The following AGAP1 variants were observed in gnomAD, a reference collection of about 807,000 sequenced individuals.
AGAP1 encodes arf-GAP with GTPase, ANK repeat and PH domain-containing protein 1.
Under a neutral mutation model 105.3 loss-of-function variants are expected in AGAP1, and 29 were observed. The ratio of observed to expected loss-of-function variants is 0.28; its 90% CI spans 0.21 to 0.38. The LOEUF is 0.38. Ranked by LOEUF, AGAP1 falls within the 10% of genes least tolerant of loss-of-function variation. AGAP1 has a pLI of 1.00. For synonymous variants in AGAP1, 509 were observed against 485.9 expected (o/e 1.05, Z -0.63); for missense variants, 998 against 1,165.1 (o/e 0.86, Z 2.09).
chr2:235,924,358 C>T (rs972294640), intron 11 of AGAP1, among the ~76,000 whole-genome samples: 6 of 152,104 alleles, frequency 3.9e-5, no homozygotes, highest in Non-Finnish European at 5.9e-5. Context: ...CTCTGCCTTG[C>T]GTTTGGGCCA....
At chr2:236,067,962 G>A (rs2058390518) in intron 16 of AGAP1, among the ~76,000 whole-genome samples, 1 of 152,178 alleles carries the variant, frequency 6.6e-6, no homozygotes, top group Admixed American at 6.5e-5. Context: ...CTGTAAGACA[G>A]AGTGGCTCTT....
At position 235,608,918 on chromosome 2, in the gene AGAP1, C is replaced by T. The variant is rs1946037961; in HGVS notation, c.164-100261C>T. Among the ~76,000 whole-genome samples the T allele has an allele frequency of 6.6e-6, 1 of 151,744 alleles. No individual in the cohort carries two copies. The highest frequency in any genetic ancestry group is 2.1e-4 in the South Asian group (1 of 4,788). ...CCTTTCAGCTTGTTCTTGACTTCCC[C>T]CCCATCCCTAATACCCCCAACTATG... On this transcript the variant is annotated intron_variant, in intron 1 of 17. Transcript: ENST00000304032. The surrounding 1 kb of genome is among the most constrained non-coding windows in gnomAD (Gnocchi z 5.4).
In AGAP1 at chr2:235,660,823, T is replaced by G. The variant is rs190933394; in HGVS notation, c.164-48356T>G. ...TCTTATTGTCGCAGCTACCGTATTG[T>G]TCTTGTCCCGTTTTTGCAGAAATGA... On this transcript the variant is annotated intron_variant, in intron 1 of 17. Coordinates refer to ENST00000304032, the MANE Select transcript of AGAP1 (RefSeq NM_001037131.3). This position sits in a 1 kb window ranked among gnomAD's most constrained non-coding sequence, Gnocchi z 5.3. Among the ~76,000 whole-genome samples, 125 of 152,322 alleles carry G rather than the reference T, an allele frequency of 8.2e-4. No homozygotes were observed. The highest frequency in any genetic ancestry group is 3.9e-3 in the South Asian group (19 of 4,820).
chr2:235,742,360 C>T (rs1952641189), intron 4 of AGAP1, among the ~76,000 whole-genome samples: 1 of 152,074 alleles, frequency 6.6e-6, no homozygotes, highest in Admixed American at 6.5e-5. Context: ...AAGGATGCTG[C>T]CAATTAAACT....
chr2:235,549,047 T>G lies in AGAP1; in HGVS notation c.163+54198T>G, dbSNP rs1231137620. 6.6e-6 allele frequency among the ~76,000 whole-genome samples: 1 copy of G among 152,188 alleles called. No homozygotes were observed. The highest frequency in any genetic ancestry group is 2.4e-5 in the African/African-American group (1 of 41,458). ...GGGTGGAAAGCACTGCAGGGCAGCT[T>G]GTGCAGAAACTGGGACCTGCTCTCC... On this transcript the variant is annotated intron_variant, in intron 1 of 17. Transcript: ENST00000304032. This position sits in a 1 kb window ranked among gnomAD's most constrained non-coding sequence, Gnocchi z 4.2.
Position 235,867,669 on chromosome 2 carries a change from C to G in AGAP1, c.1051-15676C>G, listed in dbSNP as rs1052375855. Among the ~76,000 whole-genome samples the G allele has an allele frequency of 2.0e-5, 3 of 151,916 alleles. No homozygotes were observed. The highest frequency in any genetic ancestry group is 7.3e-5 in the African/African-American group (3 of 41,342). ...CCTATTTCTAGCTAAGTGTTATCTG[C>G]AGGGTATAGCTTAGCATAATGAGAG... On this transcript the variant is annotated intron_variant, in intron 9 of 17. Transcript: ENST00000304032. This position sits in a 1 kb window ranked among gnomAD's most constrained non-coding sequence, Gnocchi z 5.4.
Position 236,042,745 on chromosome 2 carries a change from T to A in AGAP1, c.1891+1904T>A, listed in dbSNP as rs1576150848. Among the ~76,000 whole-genome samples the A allele has an allele frequency of 6.6e-6, 1 of 151,504 alleles. No homozygotes were observed. The highest frequency in any genetic ancestry group is 2.4e-5 in the African/African-American group (1 of 41,178). On this transcript the variant is annotated intron_variant, in intron 15 of 17. Coordinates refer to ENST00000304032, the MANE Select transcript of AGAP1 (RefSeq NM_001037131.3). The surrounding 1 kb of genome is among the most constrained non-coding windows in gnomAD (Gnocchi z 5.6). ...GAAAGGGAGGCCAGTGCAGGGGAGG[T>A]GTGGGCCAGTTTGTTCTGAGCAAGA... is the stretch of plus-strand genomic sequence containing the variant.
rs1198626571 is a variant in AGAP1 at position 236,068,298 on chromosome 2, G to A, written c.2114+19017G>A. Reference sequence around the variant, plus strand: ...AAAAACAAAAAATCAAATAGCTAGCGCAGATCACTGTGAAACATCTGATGG... The same window carrying A: ...AAAAACAAAAAATCAAATAGCTAGCACAGATCACTGTGAAACATCTGATGG... On this transcript the variant is annotated intron_variant, in intron 16 of 17. Coordinates refer to ENST00000304032, the MANE Select transcript of AGAP1 (RefSeq NM_001037131.3). 5.3e-5 allele frequency among the ~76,000 whole-genome samples: 8 copies of A among 151,858 alleles called. No homozygotes were observed. The East Asian group carries it at 7.8e-4, about 15-fold the overall frequency.
chr2:235,750,383 A>G lies in AGAP1; in HGVS notation c.568A>G (p.Ile190Val), dbSNP rs1953330142. ...DAISSANPRV[I>V]DDARARKLSN... ...CATAAGTTCTGCTAACCCGAGGGTC[A>G]TCGATGACGCCAGGGCGAGGAAGCT... is the stretch of plus-strand genomic sequence containing the variant. The change falls in exon 6 of 18, where the codon ATC becomes GTC. Residue 190 changes from isoleucine (I) to valine (V), a missense_variant. Ile to Val is a conservative substitution (Grantham distance 29). Around this residue, in one of 3 missense-constraint regions of AGAP1, gnomAD observed 735 missense variants for 833.4 expected, o/e 0.88. Transcript: ENST00000304032. The surrounding 1 kb of genome is among the most constrained non-coding windows in gnomAD (Gnocchi z 5.3). 3 of 1,614,214 alleles carry G rather than the reference A, an allele frequency of 1.9e-6. No individual in the cohort carries two copies. Among genetic ancestry groups the G allele is most frequent in the Non-Finnish European group, 2.5e-6 (3 of 1,180,042 alleles).
intron 1 of AGAP1, among the ~76,000 whole-genome samples, chr2:235,654,307 A>C (rs1440692375): frequency 1.3e-5 from 2 of 152,182 alleles, no homozygotes; most frequent in African/African-American, 4.8e-5. Context: ...TTTGACAGGA[A>C]CACCAATTGA....
intron 13 of AGAP1, among the ~76,000 whole-genome samples, chr2:235,972,344 A>C (rs2054682611): frequency 6.6e-6 from 1 of 152,296 alleles, no homozygotes; most frequent in Admixed American, 6.5e-5. Flanking sequence ...GAAGTAAGCA[A>C]ATTTATCAGG....
At chr2:235,896,797 A>G (rs1409284531) in intron 10 of AGAP1, among the ~76,000 whole-genome samples, 1 of 152,252 alleles carries the variant, frequency 6.6e-6, no homozygotes, top group Admixed American at 6.5e-5. Flanking sequence ...TTCAGGGCAT[A>G]GTGACAACTT....
rs983911108 is a variant in AGAP1, at chr2:235,620,275, G to T, written c.164-88904G>T. On this transcript the variant is annotated intron_variant, in intron 1 of 17. Coordinates refer to ENST00000304032, the MANE Select transcript of AGAP1 (RefSeq NM_001037131.3). This position sits in a 1 kb window ranked among gnomAD's most constrained non-coding sequence, Gnocchi z 4.5. ...CACCCTGGTCCCGGGCAGCAGCGTT[G>T]CTTGGCGGATTACTGCTCACCTCTT... 6.6e-6 allele frequency among the ~76,000 whole-genome samples: 1 copy of T among 152,166 alleles called. No homozygotes were observed. The highest frequency in any genetic ancestry group is 1.5e-5 in the Non-Finnish European group (1 of 68,034).
chr2:235,509,145 A>G (rs1941960467), intron 1 of AGAP1, among the ~76,000 whole-genome samples: 1 of 152,226 alleles, frequency 6.6e-6, no homozygotes, highest in South Asian at 2.1e-4. Context: ...GTGAAAATTA[A>G]TGGTGGGTTT....
chr2:235,860,531 A>G (rs984227629), intron 9 of AGAP1, among the ~76,000 whole-genome samples: 1 of 152,192 alleles, frequency 6.6e-6, no homozygotes, highest in East Asian at 1.9e-4. Context: ...TAACAAATCC[A>G]GTATTGTCCT....
chr2:235,864,646 CAG>C lies in AGAP1; in HGVS notation c.1051-18696_1051-18695del, dbSNP rs1266360785. On this transcript the variant is annotated intron_variant, in intron 9 of 17. Transcript: ENST00000304032. The surrounding 1 kb of genome is among the most constrained non-coding windows in gnomAD (Gnocchi z 5.0). ...CTGAAAATCTTGTGACAGGGAGAGA[CAG>C]AGTGAAAGGAAAGAAAAACGAGGCG... is the stretch of plus-strand genomic sequence containing the variant. Among the ~76,000 whole-genome samples, 3 of 151,406 alleles carry C rather than the reference CAG, an allele frequency of 2.0e-5. No homozygotes were observed. The highest frequency in any genetic ancestry group is 4.4e-5 in the Non-Finnish European group (3 of 67,904).
Position 235,906,145 on chromosome 2 carries a change from C to T in AGAP1, c.1156-2593C>T, listed in dbSNP as rs1255249713. 6.6e-6 allele frequency among the ~76,000 whole-genome samples: 1 copy of T among 152,160 alleles called. No individual in the cohort carries two copies. Among genetic ancestry groups the T allele is most frequent in the African/African-American group, 2.4e-5 (1 of 41,452 alleles). On this transcript the variant is annotated intron_variant, in intron 10 of 17. Coordinates refer to ENST00000304032, the MANE Select transcript of AGAP1 (RefSeq NM_001037131.3). This position sits in a 1 kb window ranked among gnomAD's most constrained non-coding sequence, Gnocchi z 5.3. Reference sequence around the variant, plus strand: ...AGTCAGGCCATCCTCCCTGAGCCACCCTGTAAAATGAAATGGCCAGTCACC... The same window carrying T: ...AGTCAGGCCATCCTCCCTGAGCCACTCTGTAAAATGAAATGGCCAGTCACC...
rs1437407148 is a variant in AGAP1 at position 236,124,368 on chromosome 2, GGA to G, written c.*252_*253del. 5 of 564,232 alleles carry G rather than the reference GGA, an allele frequency of 8.9e-6. No individual in the cohort carries two copies. The highest frequency in any genetic ancestry group is 1.6e-5 in the Non-Finnish European group (5 of 315,124). The allele number at this position is 564,232 out of a possible 1,614,324, so 35.0% of individuals were successfully genotyped here. ...CATAAACTCCCCTAAACCACACACA[GGA>G]GAGAGCGACGGGCCTCGGCCCTTTG... On this transcript the variant is annotated 3_prime_UTR_variant, in exon 18 of 18. Transcript: ENST00000304032. This position sits in a 1 kb window ranked among gnomAD's most constrained non-coding sequence, Gnocchi z 5.1.
At chr2:235,560,828 G>A (rs528102109) in intron 1 of AGAP1, among the ~76,000 whole-genome samples, 5 of 152,262 alleles carry the variant, frequency 3.3e-5, no homozygotes, top group African/African-American at 7.2e-5. Context: ...TGGTCACGGC[G>A]GCAGTAGATG....
Sources: allele counts gnomAD v4.1 joint callset (sites outside exome capture counted in the v4.1 genomes callset), GRCh38; gene constraint gnomAD v4.1.1; regional missense constraint gnomAD v4.1.1; non-coding constraint Gnocchi (gnomAD v3.1); transcripts MANE v1.5; gene names NCBI Gene and HGNC (gene_info 2026-07-23, HGNC 2026-07-21).